Variants in NGDN observed in about 807,000 individuals in gnomAD.
The protein encoded by NGDN is neuroguidin, also known as EIF4E-binding protein.
A neutral mutation model predicts 45.2 loss-of-function variants in NGDN; 41 were observed. That is an observed-to-expected ratio of 0.91 (90% CI 0.71 to 1.18). The LOEUF (loss-of-function observed/expected upper bound fraction) is 1.18. Ranked by LOEUF, NGDN falls within the 50% of genes most tolerant of loss-of-function variation. The probability of loss-of-function intolerance (pLI) is 0.00; values close to 1 mark genes in which losing one functional copy is unlikely to be tolerated. For synonymous variants in NGDN, 137 were observed against 130.9 expected (o/e 1.05, Z -0.32); for missense variants, 402 against 399.9 (o/e 1.01, Z -0.05).
intron 6 of NGDN, 60 bp downstream of exon 6, chr14:23,475,838 C>T: frequency 1.3e-6 from 2 of 1,532,684 alleles, no homozygotes; most frequent in Admixed American, 1.8e-5. Flanking sequence ...AGATGAGCCT[C>T]TTGGTGATCC....
chr14:23,477,657 T>C (rs765889332), intron 10 of NGDN, 97 bp downstream of exon 10: 272 of 1,578,576 alleles, frequency 1.7e-4, no homozygotes, highest in Non-Finnish European at 2.2e-4. Context: ...CCAAGCCCTG[T>C]AGTATCTCTT....
At chr14:23,473,413 T>C (rs1230142555) in intron 3 of NGDN, among the ~76,000 whole-genome samples, 1 of 152,238 alleles carries the variant, frequency 6.6e-6, no homozygotes, top group Non-Finnish European at 1.5e-5. Context: ...TATTAACTTA[T>C]CTTTTTGACC....
rs777897112 is a variant in NGDN, at chr14:23,475,713, T to A, written c.368-13T>A. 1 of 1,613,892 alleles carries A rather than the reference T, an allele frequency of 6.2e-7. No homozygotes were observed. Among genetic ancestry groups the A allele is most frequent in the South Asian group, 1.1e-5 (1 of 91,070 alleles). ...TCCAAATTTTGTAAAATTCATTGGGTTATTTATTTCAGGTGAGAATGACCC... is the reference window on the plus strand; with the variant it reads ...TCCAAATTTTGTAAAATTCATTGGGATATTTATTTCAGGTGAGAATGACCC... On this transcript the variant is annotated splice_polypyrimidine_tract_variant and intron_variant, in intron 5 of 10. Coordinates refer to ENST00000408901, the MANE Select transcript of NGDN (RefSeq NM_001042635.2).
At chr14:23,470,306 A>G (rs1256319045) in intron 2 of NGDN, 5 of 562,586 alleles carry the variant, frequency 8.9e-6, no homozygotes, top group Non-Finnish European at 1.6e-5. Context: ...AAGAAATTAT[A>G]TGAATAGTTT....
At chr14:23,469,797 C>A in intron 1 of NGDN, 70 bp downstream of exon 1, 2 of 1,590,256 alleles carry the variant, frequency 1.3e-6, no homozygotes, top group African/African-American at 2.7e-5. Flanking sequence ...CGGCTGGAGG[C>A]AAACTGTTGG....
At chr14:23,470,452 T>A (rs930204104) in intron 2 of NGDN, among the ~76,000 whole-genome samples, 9 of 152,224 alleles carry the variant, frequency 5.9e-5, no homozygotes, top group Non-Finnish European at 1.2e-4. Context: ...ATAAACCCAT[T>A]GTAATTCGAA....
At position 23,470,992 on chromosome 14, in the gene NGDN, A is replaced by G; in HGVS notation, c.144+15A>G. On this transcript the variant is annotated intron_variant, in intron 3 of 10. Transcript: ENST00000408901. Reference sequence around the variant, plus strand: ...CTACAGAAAAGGTAAGATGTACTCAAACAGTAAGCATCCCCTGACTTAATG... The same window carrying G: ...CTACAGAAAAGGTAAGATGTACTCAGACAGTAAGCATCCCCTGACTTAATG... 6.7e-7 allele frequency: 1 copy of G among 1,493,766 alleles called. No homozygotes were observed. Among genetic ancestry groups the G allele is most frequent in the Non-Finnish European group, 9.0e-7 (1 of 1,117,018 alleles). 92.5% of individuals were successfully genotyped at this position (1,493,766 alleles called of 1,614,324 possible).
intron 2 of NGDN, among the ~76,000 whole-genome samples, chr14:23,470,582 G>A (rs758484369): frequency 2.6e-5 from 4 of 152,140 alleles, no homozygotes; most frequent in African/African-American, 4.8e-5. Flanking sequence ...GTCATAAGTC[G>A]GGGAGTTATG....
At position 23,478,153 on chromosome 14, in the gene NGDN, A is replaced by T; in HGVS notation, c.*127A>T. ...GACATGTGGAAAGAGCCTTACTAAT[A>T]AAATTGATTTTGCTTATGAATTAAA... On this transcript the variant is annotated 3_prime_UTR_variant, in exon 11 of 11. Transcript: ENST00000408901. 1.1e-6 allele frequency: 1 copy of T among 942,616 alleles called. No individual in the cohort carries two copies. The highest frequency in any genetic ancestry group is 1.6e-6 in the Non-Finnish European group (1 of 611,084). The allele number at this position is 942,616 out of a possible 1,614,324, so 58.4% of individuals were successfully genotyped here.
At chr14:23,474,071 A>T (rs1893844679) in intron 3 of NGDN, among the ~76,000 whole-genome samples, 1 of 150,882 alleles carries the variant, frequency 6.6e-6, no homozygotes, top group Admixed American at 6.6e-5. Flanking sequence ...TGAGGTCACA[A>T]GGTTAAGTGA....
At position 23,475,883 on chromosome 14, in the gene NGDN, C is replaced by T. The variant is rs974573836; in HGVS notation, c.420+105C>T. 5 of 1,466,028 alleles carry T rather than the reference C, an allele frequency of 3.4e-6. No homozygotes were observed. In the Admixed American group the frequency reaches 5.7e-5, roughly 17 times the overall value. The allele number at this position is 1,466,028 out of a possible 1,614,324, so 90.8% of individuals were successfully genotyped here. On this transcript the variant is annotated intron_variant, in intron 6 of 10. Coordinates refer to ENST00000408901, the MANE Select transcript of NGDN (RefSeq NM_001042635.2). ...TGGGATTCTCTTAGGACTTGATTTT[C>T]CAACTTGTGTGTTAGAATGCTGAGT...
intron 2 of NGDN, chr14:23,470,407 A>G: frequency 3.2e-6 from 1 of 310,658 alleles, no homozygotes; most frequent in South Asian, 6.1e-5. Flanking sequence ...TTATATACAG[A>G]TGCTTCTCGA....
chr14:23,472,303 C>A (rs1481049128), intron 3 of NGDN, among the ~76,000 whole-genome samples: 3 of 151,768 alleles, frequency 2.0e-5, no homozygotes, highest in Admixed American at 1.3e-4. Flanking sequence ...CGAGACCAGC[C>A]TGGTCAACAT....
At chr14:23,469,996 C>T in intron 1 of NGDN, 46 bp from the exon 2 acceptor site, 3 of 1,592,804 alleles carry the variant, frequency 1.9e-6, no homozygotes, top group Non-Finnish European at 1.7e-6. Context: ...TCCTATAATC[C>T]TGAGGAAAGA....
intron 2 of NGDN, 105 bp downstream of exon 2, chr14:23,470,206 C>T (rs1893742520): frequency 2.3e-5 from 22 of 959,158 alleles, no homozygotes; most frequent in Non-Finnish European, 3.5e-5. Context: ...CTTCCAAAAA[C>T]CTTAGAGTAA....
In NGDN at chr14:23,476,078, A is replaced by G; in HGVS notation, c.470A>G (p.Glu157Gly). ...EEDEAEDDQS[E>G]ASGKKSVKGV... The stretch of plus-strand genomic sequence containing the variant: ...GATGAAGCAGAAGATGACCAGTCTG[A>G]GGCTTCAGGGAAGAAATCTGTGAAG... Residue 157 changes from glutamate (E) to glycine (G), a missense_variant, in exon 7 of 11, where the codon GAG (glutamate) becomes GGG (glycine). By Grantham distance (98) the Glu-to-Gly change is moderately conservative. Transcript: ENST00000408901. 1 of 1,614,106 alleles carries G rather than the reference A, an allele frequency of 6.2e-7. No individual in the cohort carries two copies. The highest frequency in any genetic ancestry group is 8.5e-7 in the Non-Finnish European group (1 of 1,179,938).
At position 23,478,148 on chromosome 14, in the gene NGDN, C is replaced by A; in HGVS notation, c.*122C>A. ...CTTTGGACATGTGGAAAGAGCCTTA[C>A]TAATAAAATTGATTTTGCTTATGAA... On this transcript the variant is annotated 3_prime_UTR_variant, in exon 11 of 11. Coordinates refer to ENST00000408901, the MANE Select transcript of NGDN (RefSeq NM_001042635.2). 1 of 969,856 alleles carries A rather than the reference C, an allele frequency of 1.0e-6. No individual in the cohort carries two copies. The highest frequency in any genetic ancestry group is 1.6e-6 in the Non-Finnish European group (1 of 631,590). The allele number at this position is 969,856 out of a possible 1,614,324, so 60.1% of individuals were successfully genotyped here.
chr14:23,469,724 G>A lies in NGDN; in HGVS notation c.9G>A (p.Ala3=), dbSNP rs200002239. 2.3e-5 allele frequency: 37 copies of A among 1,614,180 alleles called. No homozygotes were observed. In the East Asian group the frequency reaches 7.8e-4, roughly 34 times the overall value. Residue 3 remains alanine (A), a synonymous_variant, in exon 1 of 11, where the codon GCG becomes GCA. Coordinates refer to ENST00000408901, the MANE Select transcript of NGDN (RefSeq NM_001042635.2). ...GGGTGGGCTTTGCGAAGATGGCGGCGCTGGTGAGTTTGGTGTGGTTTCTTC... is the reference window on the plus strand; with the variant it reads ...GGGTGGGCTTTGCGAAGATGGCGGCACTGGTGAGTTTGGTGTGGTTTCTTC... MA[A]LGVLESDLPS...
chr14:23,477,535 AC>A lies in NGDN; in HGVS notation c.905del (p.Pro302LeufsTer?). 1 of 1,614,134 alleles carries A rather than the reference AC, an allele frequency of 6.2e-7. No homozygotes were observed. Among genetic ancestry groups the A allele is most frequent in the Non-Finnish European group, 8.5e-7 (1 of 1,180,020 alleles). On this transcript the variant is annotated frameshift_variant, in exon 10 of 11. Coordinates refer to ENST00000408901, the MANE Select transcript of NGDN (RefSeq NM_001042635.2). LOFTEE classifies it high-confidence loss of function. ...ATCCTATTAAGAAGCGGAAGAAGATACCTCAGAAAGGTCGGAAGAAAAAAGG... is the reference window on the plus strand; with the variant it reads ...ATCCTATTAAGAAGCGGAAGAAGATACTCAGAAAGGTCGGAAGAAAAAAGG... ...QNPIKKRKKI[P>X]QKGRKKKGFR...
Sources: allele counts gnomAD v4.1 joint callset (sites outside exome capture counted in the v4.1 genomes callset), GRCh38; gene constraint gnomAD v4.1.1; transcripts MANE v1.5; gene names NCBI Gene and HGNC (gene_info 2026-07-23, HGNC 2026-07-21).